R3HDM2: variants seen among roughly 807,000 people sequenced by gnomAD.
R3HDM2 encodes R3H domain-containing protein 2.
Under a neutral mutation model 124.5 loss-of-function variants are expected in R3HDM2, and 38 were observed. The observed-to-expected ratio is 0.31, with a 90% CI of 0.24 to 0.40. R3HDM2 has a LOEUF of 0.40. Among genes scored for constraint, R3HDM2 ranks in the 10% least tolerant of loss-of-function variants. The probability of loss-of-function intolerance (pLI) is 1.00; values close to 1 mark genes in which losing one functional copy is unlikely to be tolerated. For synonymous variants in R3HDM2, 391 were observed against 448.0 expected, an observed-to-expected ratio of 0.87 and a Z score of 1.61; for missense variants, 869 against 1,236.9, an observed-to-expected ratio of 0.70 and a Z score of 4.46.
chr12:57,336,390 G>A (rs57502749), intron 2 of R3HDM2, among the ~76,000 whole-genome samples: 1,743 of 152,162 alleles, frequency 0.011, 32 homozygotes, highest in African/African-American at 0.039. Flanking sequence ...TAGCAAAGAC[G>A]TGGTCGATTT....
At chr12:57,278,246 G>T (rs955818172) in intron 14 of R3HDM2, among the ~76,000 whole-genome samples, 3 of 152,140 alleles carry the variant, frequency 2.0e-5, no homozygotes, top group African/African-American at 7.2e-5. Context: ...CAATGCCAAC[G>T]ATCGACCAAT....
chr12:57,428,621 C>T (rs946329019), intron 1 of R3HDM2, among the ~76,000 whole-genome samples: 65 of 151,890 alleles, frequency 4.3e-4, no homozygotes, highest in African/African-American at 1.6e-3. Context: ...CACCACTGCG[C>T]TCCACCCTGG....
intron 1 of R3HDM2, among the ~76,000 whole-genome samples, chr12:57,408,060 G>C (rs2068685958): frequency 6.6e-6 from 1 of 152,168 alleles, no homozygotes; most frequent in Non-Finnish European, 1.5e-5. Flanking sequence ...CTCCTGAGTA[G>C]CTGAAATTAC....
chr12:57,311,517 C>T (rs540744165), intron 2 of R3HDM2, among the ~76,000 whole-genome samples: 1 of 152,134 alleles, frequency 6.6e-6, no homozygotes, highest in East Asian at 1.9e-4. Context: ...TGAGCCACCA[C>T]GCCCAGCCTG....
chr12:57,418,603 G>C (rs2069882337), intron 1 of R3HDM2, among the ~76,000 whole-genome samples: 1 of 150,240 alleles, frequency 6.7e-6, no homozygotes, highest in African/African-American at 2.5e-5. Context: ...CTGTCGTCCA[G>C]GCTGGAGTAC....
intron 1 of R3HDM2, among the ~76,000 whole-genome samples, chr12:57,429,108 A>G (rs1464120006): frequency 6.6e-6 from 1 of 152,184 alleles, no homozygotes; most frequent in Non-Finnish European, 1.5e-5. Context: ...AAGCTCTGCC[A>G]AGAGCAATGG....
chr12:57,428,936 G>A (rs1033384052), intron 1 of R3HDM2, among the ~76,000 whole-genome samples: 8 of 151,912 alleles, frequency 5.3e-5, no homozygotes, highest in East Asian at 3.9e-4. Context: ...TAGTAGAGAC[G>A]GGGTTCCACC....
At chr12:57,302,667 C>CAA (rs756266164) in intron 4 of R3HDM2, among the ~76,000 whole-genome samples, 8 of 39,736 alleles carry the variant, frequency 2.0e-4, no homozygotes, top group African/African-American at 3.1e-4. Flanking sequence ...AATTCCGTCT[C>CAA]AAAAAAAAAA....
chr12:57,304,361 TG>T, intron 3 of R3HDM2: 1 of 273,998 alleles, frequency 3.6e-6, no homozygotes, highest in Non-Finnish European at 5.6e-6. Flanking sequence ...GGGTTATATA[TG>T]GGGATGAGGC....
At chr12:57,270,104 A>T in intron 14 of R3HDM2, 110 bp from the exon 15 acceptor site, 2 of 1,314,660 alleles carry the variant, frequency 1.5e-6, no homozygotes, top group South Asian at 2.7e-5. Flanking sequence ...TCTTTAAAAC[A>T]ATGGGGGATA....
chr12:57,284,032 G>A lies in R3HDM2; in HGVS notation c.963C>T (p.Arg321=), dbSNP rs771886039. The change falls in exon 13 of 24, where the codon CGC becomes CGT. Residue 321 remains arginine, a synonymous_variant. Transcript: ENST00000402412. ...TGCTGCTCTGGCGGCTGCTTGAGGT[G>A]CGGCTCAGTCCTTCACGGTTCCCCC... ...DIRGNREGLS[R]TSSSRQSSTD... is the part of the protein sequence containing the mutation. 6.2e-7 allele frequency: 1 copy of A among 1,608,480 alleles called. No individual in the cohort carries two copies. Among genetic ancestry groups the A allele is most frequent in the Non-Finnish European group, 8.5e-7 (1 of 1,177,360 alleles).
intron 1 of R3HDM2, among the ~76,000 whole-genome samples, chr12:57,426,462 G>T (rs915430998): frequency 3.9e-5 from 6 of 152,106 alleles, no homozygotes; most frequent in Admixed American, 2.0e-4. Context: ...ACATGAATTG[G>T]TGGGGTTGAG....
chr12:57,326,432 T>C (rs964983991), intron 2 of R3HDM2, among the ~76,000 whole-genome samples: 1 of 152,110 alleles, frequency 6.6e-6, no homozygotes, highest in Non-Finnish European at 1.5e-5. Flanking sequence ...AACACACAAA[T>C]GGTAAGAAAG....
At chr12:57,369,527 C>A (rs1177626740) in intron 2 of R3HDM2, among the ~76,000 whole-genome samples, 10 of 152,110 alleles carry the variant, frequency 6.6e-5, no homozygotes, top group Non-Finnish European at 1.5e-5. Context: ...TCTAGCATGT[C>A]TTTTTTTGTA....
At chr12:57,360,291 G>A (rs2061775772) in intron 2 of R3HDM2, among the ~76,000 whole-genome samples, 1 of 151,644 alleles carries the variant, frequency 6.6e-6, no homozygotes, top group South Asian at 2.1e-4. Flanking sequence ...GCCTCTGAAA[G>A]TGCTGGGATT....
chr12:57,403,818 C>CA (rs397755139), intron 1 of R3HDM2, among the ~76,000 whole-genome samples: 64,394 of 141,302 alleles, frequency 0.46, 14,496 homozygotes, highest in South Asian at 0.54. Context: ...GACTCTGTCT[C>CA]AAAAAAAAAA....
At chr12:57,383,415 G>C (rs1211248606) in intron 2 of R3HDM2, among the ~76,000 whole-genome samples, 2 of 152,218 alleles carry the variant, frequency 1.3e-5, no homozygotes, top group East Asian at 3.9e-4. Flanking sequence ...TAATAATAAT[G>C]TGATCGGCAG....
chr12:57,430,489 G>GCCCCC, intron 1 of R3HDM2: 3 of 790,574 alleles, frequency 3.8e-6, no homozygotes, highest in Non-Finnish European at 4.6e-6. Context: ...CCACCCCCCT[G>GCCCCC]CCCCCGCACC....
At chr12:57,373,199 C>A (rs2063580814) in intron 2 of R3HDM2, among the ~76,000 whole-genome samples, 1 of 152,144 alleles carries the variant, frequency 6.6e-6, no homozygotes, top group Admixed American at 6.6e-5. Flanking sequence ...AAGACTCTGT[C>A]TCTAAAAACA....
Sources: gnomAD v4.1 joint callset for allele counts (sites outside exome capture counted in the v4.1 genomes callset) on GRCh38, gnomAD v4.1.1 for gene constraint, MANE v1.5 for transcripts, NCBI Gene and HGNC (gene_info 2026-07-23, HGNC 2026-07-21) for gene names.